Variants in KIRREL1 observed in about 807,000 individuals in gnomAD.
KIRREL1 encodes kirre like nephrin family adhesion molecule 1.
Under a neutral mutation model 83.3 loss-of-function variants are expected in KIRREL1, and 25 were observed. The observed-to-expected ratio is 0.30, with a 90% CI of 0.22 to 0.42. The LOEUF (loss-of-function observed/expected upper bound fraction) is 0.42. KIRREL1 is among the 10% of genes least tolerant of loss of function. KIRREL1 has a pLI of 1.00. For synonymous variants in KIRREL1, 388 were observed against 410.4 expected, an observed-to-expected ratio of 0.95 and a Z score of 0.66; for missense variants, 812 against 1,032.3, an observed-to-expected ratio of 0.79 and a Z score of 2.92.
intron 1 of KIRREL1, among the ~76,000 whole-genome samples, chr1:158,036,366 G>A (rs1393256804): frequency 6.6e-6 from 1 of 152,174 alleles, no homozygotes; most frequent in African/African-American, 2.4e-5. Context: ...CAGTTTAGGT[G>A]GCTTAGGGAG....
At chr1:158,010,396 T>TGCATACACACACAC (rs1659648146) in intron 1 of KIRREL1, among the ~76,000 whole-genome samples, 1 of 44,586 alleles carries the variant, frequency 2.2e-5, no homozygotes, top group Non-Finnish European at 4.0e-5. Flanking sequence ...CACACATGCA[T>TGCATACACACACAC]ACACACACAC....
intron 1 of KIRREL1, among the ~76,000 whole-genome samples, chr1:158,018,867 A>G (rs1206497157): frequency 6.6e-6 from 1 of 152,214 alleles, no homozygotes; most frequent in Non-Finnish European, 1.5e-5. Flanking sequence ...GCTACGAGAG[A>G]AGATGAACCA....
At chr1:158,075,281 C>T (rs987063711) in intron 1 of KIRREL1, among the ~76,000 whole-genome samples, 8 of 152,214 alleles carry the variant, frequency 5.3e-5, no homozygotes, top group African/African-American at 1.4e-4. Context: ...TGCTCCCGGC[C>T]GAGCTGCCAG....
At chr1:158,083,111 A>C (rs1246987800) in intron 3 of KIRREL1, among the ~76,000 whole-genome samples, 1 of 152,208 alleles carries the variant, frequency 6.6e-6, no homozygotes, top group Admixed American at 6.6e-5. Flanking sequence ...TTGTCTTAGA[A>C]GCCTATGGAG....
chr1:158,004,024 C>A (rs1659446629), intron 1 of KIRREL1, among the ~76,000 whole-genome samples: 1 of 152,184 alleles, frequency 6.6e-6, no homozygotes, highest in Admixed American at 6.5e-5. Context: ...TGGGAAGCAC[C>A]TAGAGTGACC....
At chr1:158,054,201 A>C (rs1660981651) in intron 1 of KIRREL1, among the ~76,000 whole-genome samples, 1 of 117,990 alleles carries the variant, frequency 8.5e-6, no homozygotes, top group Non-Finnish European at 1.7e-5. Context: ...TGACAGAGCA[A>C]GACTCCATCT....
At chr1:158,030,112 G>C (rs1660283687) in intron 1 of KIRREL1, among the ~76,000 whole-genome samples, 1 of 152,066 alleles carries the variant, frequency 6.6e-6, no homozygotes, top group Admixed American at 6.6e-5. Context: ...AGATTAAATG[G>C]TTACCTGAAG....
intron 1 of KIRREL1, among the ~76,000 whole-genome samples, chr1:158,024,605 G>T (rs1245710336): frequency 6.6e-6 from 1 of 152,172 alleles, no homozygotes. Context: ...AACAGGTATT[G>T]TTAACAGGTA....
chr1:158,061,347 G>T (rs1029719097), intron 1 of KIRREL1, among the ~76,000 whole-genome samples: 3 of 152,188 alleles, frequency 2.0e-5, no homozygotes, highest in Admixed American at 1.3e-4. Flanking sequence ...TTAGGTTATT[G>T]CAGAGACCAG....
intron 8 of KIRREL1, among the ~76,000 whole-genome samples, chr1:158,089,154 C>T (rs1338746495): frequency 2.0e-5 from 3 of 152,156 alleles, no homozygotes; most frequent in African/African-American, 7.2e-5. Context: ...TGGGCCAGAA[C>T]TACAGGAAGA....
Position 158,077,097 on chromosome 1 carries a change from A to G in KIRREL1, c.202+835A>G, listed in dbSNP as rs75675502. The stretch of plus-strand genomic sequence containing the variant: ...TTTGTAAAAACATATTTTAGCTTTA[A>G]AGCACTGTAAAGAAGTAAGTATGGG... On this transcript the variant is annotated intron_variant, in intron 2 of 14. Coordinates refer to ENST00000359209, the MANE Select transcript of KIRREL1 (RefSeq NM_018240.7). Among the ~76,000 whole-genome samples, 707 of 152,316 alleles carry G rather than the reference A, an allele frequency of 4.6e-3. 12 individuals are homozygous for G. Among genetic ancestry groups the G allele is most frequent in the East Asian group, 0.043 (222 of 5,190 alleles).
chr1:158,089,889 T>A, intron 10 of KIRREL1, 71 bp downstream of exon 10: 1 of 1,354,190 alleles, frequency 7.4e-7, no homozygotes, highest in Non-Finnish European at 1.0e-6. Context: ...CTCCTCTCAC[T>A]TCTGCTGGTT....
chr1:158,085,873 A>G (rs1661997930), intron 4 of KIRREL1, among the ~76,000 whole-genome samples: 1 of 152,194 alleles, frequency 6.6e-6, no homozygotes, highest in Admixed American at 6.5e-5. Flanking sequence ...ACAGTTTAGC[A>G]GAAGAAACCC....
intron 1 of KIRREL1, among the ~76,000 whole-genome samples, chr1:158,024,311 CTCTG>C (rs1167198769): frequency 7.8e-6 from 1 of 127,500 alleles, no homozygotes; most frequent in Non-Finnish European, 1.6e-5. Flanking sequence ...CAGAGTATTG[CTCTG>C]TCTCTCAGGC....
rs1316954818 is a variant in KIRREL1, at chr1:158,095,658, G to A, written c.*538G>A. On this transcript the variant is annotated 3_prime_UTR_variant, in exon 15 of 15. Coordinates refer to ENST00000359209, the MANE Select transcript of KIRREL1 (RefSeq NM_018240.7). The stretch of plus-strand genomic sequence containing the variant: ...TGCAGAAGGGAGCGAACAGGGTACT[G>A]TTCGCTCTTGTCTACAGAACAGCCC... The A allele has an allele frequency of 6.6e-6, 1 of 152,604 alleles. No individual in the cohort carries two copies. The highest frequency in any genetic ancestry group is 2.4e-5 in the African/African-American group (1 of 41,430). 9.5% of individuals were successfully genotyped at this position (152,604 alleles called of 1,614,324 possible). A position where few individuals can be genotyped will look rare whatever the true frequency, so the allele number is the denominator to read the frequency against.
Position 158,096,842 on chromosome 1 carries a change from C to T in KIRREL1, c.*1722C>T, listed in dbSNP as rs1216939644. The T allele has an allele frequency of 6.6e-6, 3 of 456,728 alleles. No homozygotes were observed. In the Admixed American group the frequency reaches 7.0e-5, roughly 11 times the overall value. 28.3% of individuals were successfully genotyped at this position (456,728 alleles called of 1,614,324 possible). On this transcript the variant is annotated 3_prime_UTR_variant, in exon 15 of 15. Coordinates refer to ENST00000359209, the MANE Select transcript of KIRREL1 (RefSeq NM_018240.7). ...TCCAGCCCAGTGGGAGACAGGGCCT[C>T]TGGTGCAGTTCCCAAAATGTTCCTC... is the stretch of plus-strand genomic sequence containing the variant.
intron 4 of KIRREL1, among the ~76,000 whole-genome samples, chr1:158,085,534 T>TGGCTACATGG (rs1661988980): frequency 2.0e-5 from 3 of 152,216 alleles, no homozygotes; most frequent in Non-Finnish European, 4.4e-5. Context: ...TTTTTAGATA[T>TGGCTACATGG]TTTGGCAACC....
chr1:158,029,650 A>G (rs1438797886), intron 1 of KIRREL1, among the ~76,000 whole-genome samples: 1 of 151,614 alleles, frequency 6.6e-6, no homozygotes, highest in East Asian at 1.9e-4. Flanking sequence ...GTAATATAGG[A>G]GAGAGAGAGA....
chr1:158,087,118 C>A (rs1254661702), intron 5 of KIRREL1, among the ~76,000 whole-genome samples: 1 of 152,146 alleles, frequency 6.6e-6, no homozygotes, highest in Non-Finnish European at 1.5e-5. Context: ...TCTTCATAGT[C>A]TTTTATTTAA....
Sources: allele counts gnomAD v4.1 joint callset (sites outside exome capture counted in the v4.1 genomes callset), GRCh38; gene constraint gnomAD v4.1.1; transcripts MANE v1.5; gene names NCBI Gene and HGNC (gene_info 2026-07-23, HGNC 2026-07-21).